ST6GALNAC3: variants seen among roughly 807,000 people sequenced by gnomAD.
The protein encoded by ST6GALNAC3 is ST6 N-acetylgalactosaminide alpha-2,6-sialyltransferase 3.
Under a neutral mutation model 32.7 loss-of-function variants are expected in ST6GALNAC3, and 25 were observed. That is an observed-to-expected ratio of 0.76 (90% CI 0.56 to 1.07). The LOEUF (loss-of-function observed/expected upper bound fraction) is 1.07, where lower values mean the gene tolerates loss of function less well. Among genes scored for constraint, ST6GALNAC3 ranks in the 50% least tolerant of loss-of-function variants. The probability of loss-of-function intolerance (pLI) is 0.00; values close to 1 mark genes in which losing one functional copy is unlikely to be tolerated. For synonymous variants in ST6GALNAC3, 129 were observed against 133.1 expected (o/e 0.97, Z 0.21); for missense variants, 355 against 382.4 (o/e 0.93, Z 0.60).
At chr1:76,080,578 T>C (rs1423421329) in intron 1 of ST6GALNAC3, among the ~76,000 whole-genome samples, 5 of 150,848 alleles carry the variant, frequency 3.3e-5, no homozygotes, top group African/African-American at 9.7e-5. Context: ...GTAGGCGTGG[T>C]TTAACTTTTG....
chr1:76,633,049 G>C lies in ST6GALNAC3; in HGVS notation c.*4243G>C, dbSNP rs1044712007. On this transcript the variant is annotated 3_prime_UTR_variant, in exon 5 of 5. Coordinates refer to ENST00000328299, the MANE Select transcript of ST6GALNAC3 (RefSeq NM_152996.4). Reference sequence around the variant, plus strand: ...GTGCTAGCCTTTTTAAGTAGGTCAGGCTTTTAGAGCTGAAAGAGATTTTAA... The same window carrying C: ...GTGCTAGCCTTTTTAAGTAGGTCAGCCTTTTAGAGCTGAAAGAGATTTTAA... 2.0e-5 allele frequency: 3 copies of C among 152,168 alleles called. No homozygotes were observed. The highest frequency in any genetic ancestry group is 6.5e-5 in the Admixed American group (1 of 15,276). The allele number at this position is 152,168 out of a possible 1,614,324, so 9.4% of individuals were successfully genotyped here.
chr1:76,301,119 C>T (rs913032025), intron 1 of ST6GALNAC3, among the ~76,000 whole-genome samples: 1 of 151,868 alleles, frequency 6.6e-6, no homozygotes, highest in Non-Finnish European at 1.5e-5. Flanking sequence ...GATGAGGAAT[C>T]AGAGAAAAAG....
intron 1 of ST6GALNAC3, among the ~76,000 whole-genome samples, chr1:76,267,663 G>A (rs2100746420): frequency 6.6e-6 from 1 of 152,246 alleles, no homozygotes; most frequent in East Asian, 1.9e-4. Context: ...CCGTAAAATT[G>A]CAAATGGTCA....
intron 3 of ST6GALNAC3, among the ~76,000 whole-genome samples, chr1:76,623,538 A>G (rs1010048564): frequency 1.3e-5 from 2 of 151,958 alleles, no homozygotes; most frequent in African/African-American, 2.4e-5. Flanking sequence ...GCTATGGTTG[A>G]TGGCCAGCTG....
rs111586982 is a variant in ST6GALNAC3 at position 76,569,506 on chromosome 1, C to A, written c.624-57946C>A. ...GATGCCTGGGCAAATCAAAGTGACA[C>A]GTTCAAAATAAAATCATGTTAATAC... On this transcript the variant is annotated intron_variant, in intron 3 of 4. Transcript: ENST00000328299. Among the ~76,000 whole-genome samples the A allele has an allele frequency of 3.9e-3, 593 of 152,214 alleles. 1 individual carries two copies. The highest frequency in any genetic ancestry group is 0.014 in the African/African-American group (563 of 41,524).
chr1:76,330,690 T>C lies in ST6GALNAC3; in HGVS notation c.213+16691T>C, dbSNP rs188548427. On this transcript the variant is annotated intron_variant, in intron 2 of 4. Coordinates refer to ENST00000328299, the MANE Select transcript of ST6GALNAC3 (RefSeq NM_152996.4). ...CAACCCTATGTAATAGATACTATTA[T>C]TATTCCACCATTTAGAAATGAATAA... Among the ~76,000 whole-genome samples the C allele has an allele frequency of 2.2e-3, 332 of 152,324 alleles. 1 individual carries two copies. Among genetic ancestry groups the C allele is most frequent in the Admixed American group, 3.9e-3 (60 of 15,292 alleles).
intron 1 of ST6GALNAC3, among the ~76,000 whole-genome samples, chr1:76,266,229 T>C (rs1049991583): frequency 1.4e-4 from 22 of 152,312 alleles, no homozygotes; most frequent in African/African-American, 4.8e-4. Context: ...GAGGTAGAGA[T>C]GGAGGCAGAG....
At chr1:76,580,007 A>T (rs1456999954) in intron 3 of ST6GALNAC3, among the ~76,000 whole-genome samples, 1 of 152,016 alleles carries the variant, frequency 6.6e-6, no homozygotes, top group Non-Finnish European at 1.5e-5. Flanking sequence ...TTATAATAAA[A>T]ATTTCCTCCT....
intron 3 of ST6GALNAC3, among the ~76,000 whole-genome samples, chr1:76,490,378 T>G (rs1292341482): frequency 6.6e-6 from 1 of 151,734 alleles, no homozygotes; most frequent in East Asian, 1.9e-4. Flanking sequence ...ATTTCCATTT[T>G]ATTTTGTAGT....
At chr1:76,257,699 C>T (rs746641448) in intron 1 of ST6GALNAC3, among the ~76,000 whole-genome samples, 6 of 152,250 alleles carry the variant, frequency 3.9e-5, no homozygotes, top group Non-Finnish European at 7.4e-5. Context: ...CCTGTACCCA[C>T]TGTTCACTAA....
chr1:76,341,871 C>T (rs1648068126), intron 2 of ST6GALNAC3, among the ~76,000 whole-genome samples: 1 of 151,914 alleles, frequency 6.6e-6, no homozygotes, highest in Non-Finnish European at 1.5e-5. Context: ...CCCCCTGCTT[C>T]CTAACAGGCC....
chr1:76,577,438 C>A, intron 3 of ST6GALNAC3: 1 of 388,758 alleles, frequency 2.6e-6, no homozygotes, highest in Non-Finnish European at 3.5e-6. Flanking sequence ...TAATTCATGC[C>A]ATGCCGCTCA....
At chr1:76,412,563 C>A in intron 3 of ST6GALNAC3, 146 bp downstream of exon 3, 1 of 889,378 alleles carries the variant, frequency 1.1e-6, no homozygotes, top group Non-Finnish European at 1.6e-6. Flanking sequence ...CTTGATAAGC[C>A]AGCCTGAGGT....
intron 3 of ST6GALNAC3, among the ~76,000 whole-genome samples, chr1:76,482,085 T>TATAA (rs1372272542): frequency 6.6e-6 from 1 of 152,078 alleles, no homozygotes; most frequent in East Asian, 1.9e-4. Flanking sequence ...GACACACCTT[T>TATAA]TTATGCTCCA....
chr1:76,172,825 G>A (rs952180949), intron 1 of ST6GALNAC3, among the ~76,000 whole-genome samples: 31 of 152,268 alleles, frequency 2.0e-4, no homozygotes, highest in African/African-American at 7.5e-4. Flanking sequence ...ACTACTCAAC[G>A]AAATAAGAGA....
chr1:76,234,246 C>G (rs533108346), intron 1 of ST6GALNAC3, among the ~76,000 whole-genome samples: 1 of 152,148 alleles, frequency 6.6e-6, no homozygotes, highest in Non-Finnish European at 1.5e-5. Flanking sequence ...TACCCTCCCC[C>G]GGTAGTGGCC....
chr1:76,210,999 C>T (rs1655122361), intron 1 of ST6GALNAC3, among the ~76,000 whole-genome samples: 1 of 152,202 alleles, frequency 6.6e-6, no homozygotes, highest in African/African-American at 2.4e-5. Context: ...GCTGGGATTA[C>T]AGGCATGAGC....
At chr1:76,499,853 A>G (rs1164121526) in intron 3 of ST6GALNAC3, among the ~76,000 whole-genome samples, 1 of 152,198 alleles carries the variant, frequency 6.6e-6, no homozygotes, top group East Asian at 1.9e-4. Flanking sequence ...AAAGTAATTG[A>G]AACTTTGTAA....
chr1:76,241,717 A>C (rs1377432587), intron 1 of ST6GALNAC3, among the ~76,000 whole-genome samples: 1 of 152,234 alleles, frequency 6.6e-6, no homozygotes, highest in Non-Finnish European at 1.5e-5. Flanking sequence ...ACACAAAAAG[A>C]ATATCAGATG....
Sources: gnomAD v4.1 joint callset for allele counts (sites outside exome capture counted in the v4.1 genomes callset) on GRCh38, gnomAD v4.1.1 for gene constraint, MANE v1.5 for transcripts, NCBI Gene and HGNC (gene_info 2026-07-23, HGNC 2026-07-21) for gene names.